TUB: variants seen among roughly 807,000 people sequenced by gnomAD.
The protein encoded by TUB is TUB bipartite transcription factor.
In TUB, 33 loss-of-function variants were observed where a neutral mutation model predicts 59.7. The observed-to-expected ratio is 0.55, with a 90% CI of 0.42 to 0.74. The LOEUF (loss-of-function observed/expected upper bound fraction) is 0.74, where lower values mean the gene tolerates loss of function less well. Ranked by LOEUF, TUB falls within the 30% of genes least tolerant of loss-of-function variation. The pLI is 0.00. For missense variants in TUB, 659 were observed against 672.0 expected, an observed-to-expected ratio of 0.98 and a Z score of 0.21; for synonymous variants, 293 against 256.4, an observed-to-expected ratio of 1.14 and a Z score of -1.36.
chr11:8,019,339 A>G, exon 1 of TUB: 1 of 1,278,030 alleles, frequency 7.8e-7, no homozygotes, highest in Non-Finnish European at 9.9e-7. Context: ...CCTGTCTTAC[A>G]GCCGCTGGAG....
intron 2 of TUB, among the ~76,000 whole-genome samples, chr11:8,052,229 T>G (rs1206977258): frequency 6.6e-6 from 1 of 152,316 alleles, no homozygotes; most frequent in Admixed American, 6.5e-5. Context: ...TGAAAAAAAA[T>G]TCTGCTGCAT....
intron 2 of TUB, among the ~76,000 whole-genome samples, chr11:8,063,246 T>A (rs745550157): frequency 6.6e-6 from 1 of 152,240 alleles, no homozygotes; most frequent in Non-Finnish European, 1.5e-5. Flanking sequence ...AGGACAGTTA[T>A]GAAATCTCCT....
chr11:8,066,276 TC>T (rs1466114017), intron 2 of TUB, among the ~76,000 whole-genome samples: 1 of 152,108 alleles, frequency 6.6e-6, no homozygotes, highest in Non-Finnish European at 1.5e-5. Context: ...GACAGCCTTT[TC>T]CCCTGCAGGA....
chr11:8,021,419 G>A (rs575694103), intron 1 of TUB, among the ~76,000 whole-genome samples: 1 of 151,910 alleles, frequency 6.6e-6, no homozygotes, highest in African/African-American at 2.4e-5. Context: ...GCAGTGAGCC[G>A]AGATTGTGTC....
intron 2 of TUB, among the ~76,000 whole-genome samples, chr11:8,040,496 G>T (rs935049649): frequency 6.6e-6 from 1 of 152,208 alleles, no homozygotes; most frequent in African/African-American, 2.4e-5. Flanking sequence ...TTCTGATGGG[G>T]TTTGTGATGA....
chr11:8,033,753 T>C (rs1046382983), upstream of TUB, among the ~76,000 whole-genome samples: 4 of 152,220 alleles, frequency 2.6e-5, no homozygotes, highest in African/African-American at 9.6e-5. Context: ...CATCCCACCA[T>C]AGTTTGTCTG....
intron 2 of TUB, chr11:8,039,727 G>T: frequency 6.7e-7 from 1 of 1,487,994 alleles, no homozygotes. Context: ...GCCGGCCCTG[G>T]GAAAGGGCCA....
chr11:8,075,751 C>G (rs957530924), intron 2 of TUB: 15 of 152,174 alleles, frequency 9.9e-5, no homozygotes, highest in African/African-American at 3.6e-4. Context: ...CAGAGTTACA[C>G]CATCTCTTTC....
intron 1 of TUB, 25 bp downstream of exon 1, chr11:8,081,573 C>CAGG: frequency 6.6e-7 from 1 of 1,520,806 alleles, no homozygotes; most frequent in Non-Finnish European, 8.8e-7. Context: ...GGCCGGGGCG[C>CAGG]CCACCACTCC....
chr11:8,097,935 A>C (rs1589984081), intron 8 of TUB, 109 bp downstream of exon 8: 13 of 789,782 alleles, frequency 1.6e-5, no homozygotes, highest in Non-Finnish European at 2.7e-5. Context: ...AGGGATGGAT[A>C]CTCTCCCAGG....
intron 2 of TUB, among the ~76,000 whole-genome samples, chr11:8,051,850 T>A (rs147857721): frequency 2.4e-3 from 360 of 152,370 alleles, no homozygotes; most frequent in African/African-American, 7.7e-3. Flanking sequence ...TTATTTGTTT[T>A]TGTATGTGAT....
intron 4 of TUB, among the ~76,000 whole-genome samples, 193 bp from the exon 5 acceptor site, chr11:8,095,305 A>G (rs1488152165): frequency 5.9e-5 from 9 of 152,222 alleles, no homozygotes; most frequent in East Asian, 5.8e-4. Flanking sequence ...GAAGAAATGA[A>G]GCCCACATCC....
chr11:8,095,893 G>A (rs1943972072), intron 5 of TUB, among the ~76,000 whole-genome samples: 1 of 152,224 alleles, frequency 6.6e-6, no homozygotes, highest in African/African-American at 2.4e-5. Context: ...TTGCTCCTTA[G>A]AAAAAGCTCC....
intron 1 of TUB, among the ~76,000 whole-genome samples, chr11:8,021,013 A>G (rs148444343): frequency 1.1e-3 from 168 of 152,344 alleles, no homozygotes; most frequent in African/African-American, 3.8e-3. Flanking sequence ...CTAATTCCAT[A>G]TAGTAAATAA....
chr11:8,051,209 G>A (rs895527373), intron 2 of TUB, among the ~76,000 whole-genome samples: 18 of 152,142 alleles, frequency 1.2e-4, no homozygotes, highest in African/African-American at 3.9e-4. Context: ...TGTGCAGTAT[G>A]AGTTTGTTCA....
chr11:8,089,981 C>T (rs1943739898), intron 2 of TUB, 88 bp from the exon 3 acceptor site: 2 of 1,462,984 alleles, frequency 1.4e-6, no homozygotes, highest in South Asian at 2.9e-5. Flanking sequence ...GGGGCCTTGG[C>T]CCAAGGTGGG....
upstream of TUB, among the ~76,000 whole-genome samples, chr11:8,080,631 T>C (rs1289087229): frequency 2.0e-5 from 3 of 152,184 alleles, no homozygotes; most frequent in South Asian, 2.1e-4. Flanking sequence ...GGAGATTACA[T>C]ACTAGAAATT....
chr11:8,024,289 C>A (rs2133699049), intron 1 of TUB, among the ~76,000 whole-genome samples: 1 of 152,298 alleles, frequency 6.6e-6, no homozygotes, highest in Middle Eastern at 3.4e-3. Context: ...ACACTAGAAT[C>A]CTACAACAAA....
intron 1 of TUB, among the ~76,000 whole-genome samples, chr11:8,032,119 C>T (rs573378808): frequency 2.0e-5 from 3 of 151,816 alleles, no homozygotes; most frequent in East Asian, 1.9e-4. Flanking sequence ...GGGGAAAGGC[C>T]GGGAGCGCCT....
Sources: allele counts gnomAD v4.1 joint callset (sites outside exome capture counted in the v4.1 genomes callset), GRCh38; gene constraint gnomAD v4.1.1; transcripts MANE v1.5; gene names NCBI Gene and HGNC (gene_info 2026-07-23, HGNC 2026-07-21).